ASAP1: variants seen among roughly 807,000 people sequenced by gnomAD.
ASAP1 encodes the protein arf-GAP with SH3 domain, ANK repeat and PH domain-containing protein 1.
A neutral mutation model predicts 145.2 loss-of-function variants in ASAP1; 43 were observed. The observed-to-expected ratio is 0.30, with a 90% CI of 0.23 to 0.38. ASAP1 has a LOEUF of 0.38. ASAP1 is among the 10% of genes least tolerant of loss of function. The pLI, the probability that ASAP1 is intolerant of heterozygous loss-of-function variation, is 1.00. For missense variants in ASAP1, 1,018 were observed against 1,355.3 expected (o/e 0.75, Z 3.91); for synonymous variants, 546 against 515.5 (o/e 1.06, Z -0.80).
intron 25 of ASAP1, among the ~76,000 whole-genome samples, chr8:130,085,472 C>T (rs562214175): frequency 5.3e-5 from 8 of 152,282 alleles, no homozygotes; most frequent in East Asian, 3.9e-4. Context: ...AAGAGGCTCA[C>T]GCCTGTAATC....
chr8:130,300,148 A>C (rs1472069304), intron 3 of ASAP1, among the ~76,000 whole-genome samples: 1 of 117,014 alleles, frequency 8.5e-6, no homozygotes, highest in Non-Finnish European at 1.8e-5. Flanking sequence ...ACACACACAC[A>C]CACACAGAGA....
rs375817086 is a variant in ASAP1 at position 130,279,809 on chromosome 8, G to A, written c.187-42815C>T. On this transcript the variant is annotated intron_variant, in intron 3 of 29. Coordinates refer to ENST00000518721, the MANE Select transcript of ASAP1 (RefSeq NM_018482.4). Reference sequence around the variant, plus strand: ...AACATAGAGCGTTAAGCAGGAAACCGGTCCACTAAAATAGTTAGGGGCGTC... The same window carrying A: ...AACATAGAGCGTTAAGCAGGAAACCAGTCCACTAAAATAGTTAGGGGCGTC... 1.5e-4 allele frequency among the ~76,000 whole-genome samples: 23 copies of A among 152,286 alleles called. No homozygotes were observed. In the East Asian group the frequency reaches 3.3e-3, roughly 22 times the overall value.
chr8:130,409,797 A>G (rs1829187305), intron 1 of ASAP1, among the ~76,000 whole-genome samples: 1 of 152,250 alleles, frequency 6.6e-6, no homozygotes, highest in Non-Finnish European at 1.5e-5. Flanking sequence ...CCAAAAGACC[A>G]GAACCACTGT....
chr8:130,278,042 A>C (rs1174630259), intron 3 of ASAP1, among the ~76,000 whole-genome samples: 1 of 152,098 alleles, frequency 6.6e-6, no homozygotes, highest in Non-Finnish European at 1.5e-5. Flanking sequence ...GTGCCATGAC[A>C]AGAGACCTAA....
At chr8:130,064,472 G>A (rs928454091) in intron 27 of ASAP1, among the ~76,000 whole-genome samples, 3 of 152,100 alleles carry the variant, frequency 2.0e-5, no homozygotes, top group African/African-American at 4.8e-5. Flanking sequence ...GAATGGAGCC[G>A]GAGTCCGTAT....
intron 18 of ASAP1, among the ~76,000 whole-genome samples, chr8:130,121,419 G>A (rs948739869): frequency 2.5e-4 from 38 of 152,152 alleles, no homozygotes; most frequent in Non-Finnish European, 3.4e-4. Context: ...TGACAACTGA[G>A]TATCTCCAGA....
chr8:130,354,602 G>A (rs371610566), intron 3 of ASAP1, among the ~76,000 whole-genome samples: 1 of 152,228 alleles, frequency 6.6e-6, no homozygotes, highest in Non-Finnish European at 1.5e-5. Flanking sequence ...TAGGGAAAAC[G>A]CTTATGCTCT....
At chr8:130,109,815 A>C (rs924143589) in intron 24 of ASAP1, among the ~76,000 whole-genome samples, 5 of 152,198 alleles carry the variant, frequency 3.3e-5, no homozygotes, top group African/African-American at 1.2e-4. Context: ...CACACTTCAA[A>C]TCCCTTATAA....
At chr8:130,237,745 T>C (rs1017321318) in intron 3 of ASAP1, among the ~76,000 whole-genome samples, 1 of 152,048 alleles carries the variant, frequency 6.6e-6, no homozygotes, top group South Asian at 2.1e-4. Context: ...CAGCAAATTG[T>C]GCGTTTAGGC....
At chr8:130,174,017 G>C (rs1323512938) in intron 9 of ASAP1, among the ~76,000 whole-genome samples, 1 of 147,416 alleles carries the variant, frequency 6.8e-6, no homozygotes, top group Non-Finnish European at 1.5e-5. Flanking sequence ...GAACCCAGTA[G>C]GTGGAGGGTG....
chr8:130,281,901 C>T (rs1378644708), intron 3 of ASAP1, among the ~76,000 whole-genome samples: 3 of 152,090 alleles, frequency 2.0e-5, no homozygotes, highest in Admixed American at 1.3e-4. Flanking sequence ...CCCATCTCTA[C>T]TAAAAATACA....
chr8:130,240,818 T>C (rs1048259121), intron 3 of ASAP1, among the ~76,000 whole-genome samples: 1 of 152,148 alleles, frequency 6.6e-6, no homozygotes, highest in Non-Finnish European at 1.5e-5. Flanking sequence ...CTTTTTACTT[T>C]TATTTCACAC....
intron 12 of ASAP1, among the ~76,000 whole-genome samples, chr8:130,155,574 T>C (rs2135982537): frequency 6.6e-6 from 1 of 152,332 alleles, no homozygotes; most frequent in African/African-American, 2.4e-5. Context: ...CCCAGGCTGG[T>C]GGGCTCACGT....
At chr8:130,107,178 T>TCTC (rs2097538226) in intron 24 of ASAP1, among the ~76,000 whole-genome samples, 1 of 95,332 alleles carries the variant, frequency 1.0e-5, no homozygotes, top group African/African-American at 3.8e-5. Context: ...CTCTCTCTTC[T>TCTC]TCTTCTTTTT....
chr8:130,331,449 G>A (rs1377303313), intron 3 of ASAP1, among the ~76,000 whole-genome samples: 3 of 152,128 alleles, frequency 2.0e-5, no homozygotes, highest in Non-Finnish European at 2.9e-5. Context: ...TGAAGAAAAC[G>A]GGCCCAGAAT....
At chr8:130,339,103 AC>A (rs1458634948) in intron 3 of ASAP1, among the ~76,000 whole-genome samples, 2 of 152,232 alleles carry the variant, frequency 1.3e-5, no homozygotes, top group Non-Finnish European at 2.9e-5. Context: ...AAATACAGAT[AC>A]AGCGACTCTT....
chr8:130,400,670 AGTC>A (rs1196385359), intron 2 of ASAP1, among the ~76,000 whole-genome samples: 1 of 151,684 alleles, frequency 6.6e-6, no homozygotes, highest in Non-Finnish European at 1.5e-5. Context: ...AGGCGCCTGT[AGTC>A]CCAGCTACTT....
chr8:130,106,470 CAAGGA>C lies in ASAP1; in HGVS notation c.2401+5619_2401+5623del, dbSNP rs2097537045. Among the ~76,000 whole-genome samples, 4 of 152,188 alleles carry C rather than the reference CAAGGA, an allele frequency of 2.6e-5. 1 individual carries two copies. The South Asian group carries it at 8.3e-4, about 32-fold the overall frequency. On this transcript the variant is annotated intron_variant, in intron 24 of 29. Coordinates refer to ENST00000518721, the MANE Select transcript of ASAP1 (RefSeq NM_018482.4). ...CTTCCTATCTACTGCCACAGATCTC[CAAGGA>C]AAGTTGGAGAAATGTCTAAAATGCA...
chr8:130,437,749 G>T (rs1427519168), intron 1 of ASAP1, among the ~76,000 whole-genome samples: 1 of 152,166 alleles, frequency 6.6e-6, no homozygotes, highest in African/African-American at 2.4e-5. Flanking sequence ...AGAAGCCGCG[G>T]GTGGGCGCTG....
Sources: allele counts gnomAD v4.1 joint callset (sites outside exome capture counted in the v4.1 genomes callset), GRCh38; gene constraint gnomAD v4.1.1; transcripts MANE v1.5; gene names NCBI Gene and HGNC (gene_info 2026-07-23, HGNC 2026-07-21).